KCNH8: variants seen among roughly 807,000 people sequenced by gnomAD.
The protein encoded by KCNH8 is potassium voltage-gated channel subfamily H member 8.
In KCNH8, 70 loss-of-function variants were observed where a neutral mutation model predicts 103.6. That is an observed-to-expected ratio of 0.68 (90% CI 0.56 to 0.82). The LOEUF is 0.82. KCNH8 is among the 40% of genes least tolerant of loss of function. The probability of loss-of-function intolerance (pLI) is 0.00; values close to 1 mark genes in which losing one functional copy is unlikely to be tolerated. For missense variants in KCNH8, 1,217 were observed against 1,329.9 expected, an observed-to-expected ratio of 0.92 and a Z score of 1.32; for synonymous variants, 498 against 489.4, an observed-to-expected ratio of 1.02 and a Z score of -0.23.
chr3:19,463,038 C>T (rs1258756365), intron 11 of KCNH8, among the ~76,000 whole-genome samples: 1 of 152,014 alleles, frequency 6.6e-6, no homozygotes, highest in African/African-American at 2.4e-5. Context: ...ATCATAACTC[C>T]CTAAACAATA....
intron 1 of KCNH8, among the ~76,000 whole-genome samples, chr3:19,156,991 G>A (rs2063187656): frequency 6.8e-6 from 1 of 146,484 alleles, no homozygotes; most frequent in African/African-American, 2.7e-5. Flanking sequence ...TTAAAAAAAA[G>A]GTTTTCTTTT....
intron 7 of KCNH8, among the ~76,000 whole-genome samples, chr3:19,411,975 C>T (rs1312911746): frequency 6.6e-6 from 1 of 151,628 alleles, no homozygotes; most frequent in Non-Finnish European, 1.5e-5. Flanking sequence ...AGACTCAGCA[C>T]TATTTATATT....
At chr3:19,333,904 C>G (rs1029185320) in intron 3 of KCNH8, among the ~76,000 whole-genome samples, 1 of 152,112 alleles carries the variant, frequency 6.6e-6, no homozygotes, top group Non-Finnish European at 1.5e-5. Flanking sequence ...CTGGGGCACA[C>G]TTTTTCCCCC....
At chr3:19,264,515 A>G (rs2064480900) in intron 2 of KCNH8, among the ~76,000 whole-genome samples, 1 of 152,242 alleles carries the variant, frequency 6.6e-6, no homozygotes, top group East Asian at 1.9e-4. Context: ...CTCTGCAGCC[A>G]GAATGATGAG....
At chr3:19,477,268 A>G (rs1288006636) in intron 11 of KCNH8, among the ~76,000 whole-genome samples, 1 of 152,202 alleles carries the variant, frequency 6.6e-6, no homozygotes, top group Non-Finnish European at 1.5e-5. Flanking sequence ...AAATATCATA[A>G]TGCTCCATTC....
chr3:19,497,722 T>G (rs978864549), intron 11 of KCNH8, among the ~76,000 whole-genome samples: 8 of 152,192 alleles, frequency 5.3e-5, no homozygotes, highest in Admixed American at 1.3e-4. Context: ...TCTGTTGTTT[T>G]GGGTGGAGAG....
In KCNH8 at chr3:19,209,886, A is replaced by G. The variant is rs567835628; in HGVS notation, c.77-43768A>G. Reference sequence around the variant, plus strand: ...GTTATCCTTCCTCAGTGTAATGTGTAGTCCCTAGGTAAGCCCTCAAGTGGG... The same window carrying G: ...GTTATCCTTCCTCAGTGTAATGTGTGGTCCCTAGGTAAGCCCTCAAGTGGG... On this transcript the variant is annotated intron_variant, in intron 1 of 15. Transcript: ENST00000328405. Among the ~76,000 whole-genome samples the G allele has an allele frequency of 9.9e-5, 15 of 152,174 alleles. 1 individual carries two copies. Among genetic ancestry groups the G allele is most frequent in the Admixed American group, 6.6e-4 (10 of 15,240 alleles).
At chr3:19,519,950 C>T (rs1274065314) in intron 15 of KCNH8, among the ~76,000 whole-genome samples, 2 of 151,452 alleles carry the variant, frequency 1.3e-5, no homozygotes, top group Non-Finnish European at 2.9e-5. Flanking sequence ...CAAGTTAGGG[C>T]TGTAAATCCA....
Position 19,438,198 on chromosome 3 carries a change from T to C in KCNH8, c.1212T>C (p.Ser404=). The change falls in exon 8 of 16, where the codon TCT becomes TCC. Residue 404 remains serine (S), a synonymous_variant. Transcript: ENST00000328405. The part of the protein sequence containing the change: ...WLHELGKRLE[S]PYYGNNTLGG... ...ATGAGTTGGGAAAGAGACTGGAATC[T>C]CCATACTATGGCAACAATACCTTGG... The C allele has an allele frequency of 6.2e-7, 1 of 1,614,078 alleles. No homozygotes were observed. The highest frequency in any genetic ancestry group is 1.7e-4 in the Middle Eastern group (1 of 6,060).
intron 1 of KCNH8, among the ~76,000 whole-genome samples, chr3:19,209,130 T>C (rs567920919): frequency 8.9e-4 from 135 of 152,100 alleles, no homozygotes; most frequent in African/African-American, 3.0e-3. Context: ...TATAAATATA[T>C]ATGTATAGCC....
chr3:19,496,030 G>A (rs375932380), intron 11 of KCNH8, among the ~76,000 whole-genome samples: 142 of 152,238 alleles, frequency 9.3e-4, no homozygotes, highest in African/African-American at 3.2e-3. Context: ...GAAGGCTACT[G>A]ATTTTCTACA....
At chr3:19,175,576 A>C (rs1009591645) in intron 1 of KCNH8, among the ~76,000 whole-genome samples, 2 of 152,272 alleles carry the variant, frequency 1.3e-5, no homozygotes, top group African/African-American at 4.8e-5. Context: ...TGCTCCATAG[A>C]ATGGCAATGA....
intron 11 of KCNH8, among the ~76,000 whole-genome samples, chr3:19,472,153 T>C (rs2067872027): frequency 6.6e-6 from 1 of 151,700 alleles, no homozygotes; most frequent in African/African-American, 2.4e-5. Context: ...TGGTACAAAG[T>C]ATGTGCTTGA....
At chr3:19,479,582 A>T (rs917094589) in intron 11 of KCNH8, among the ~76,000 whole-genome samples, 3 of 152,080 alleles carry the variant, frequency 2.0e-5, no homozygotes, top group Non-Finnish European at 2.9e-5. Context: ...AGAGGTTTCC[A>T]TTTACTGTTC....
intron 7 of KCNH8, among the ~76,000 whole-genome samples, chr3:19,416,625 T>C (rs911251474): frequency 5.3e-5 from 8 of 152,176 alleles, no homozygotes; most frequent in Non-Finnish European, 8.8e-5. Context: ...ATAGCGCTCT[T>C]TCTGTAGAAA....
rs756658134 is a variant in KCNH8 at position 19,156,405 on chromosome 3, C to T, written c.76+7610C>T. Among the ~76,000 whole-genome samples, 31 of 152,222 alleles carry T rather than the reference C, an allele frequency of 2.0e-4. No individual in the cohort carries two copies. The East Asian group carries it at 3.1e-3, about 15-fold the overall frequency. ...AACAGACTAGGGTGGTTTGTGGTAT[C>T]GTTTCTAGTTTCTAGCTCTTGCAAA... On this transcript the variant is annotated intron_variant, in intron 1 of 15. Transcript: ENST00000328405.
intron 1 of KCNH8, among the ~76,000 whole-genome samples, chr3:19,221,044 CA>C (rs1471393048): frequency 6.6e-6 from 1 of 152,176 alleles, no homozygotes; most frequent in Non-Finnish European, 1.5e-5. Context: ...TGTCTCTCAC[CA>C]TTCTGATTTT....
intron 5 of KCNH8, among the ~76,000 whole-genome samples, chr3:19,354,845 CA>C (rs2065856961): frequency 1.3e-5 from 2 of 152,218 alleles, no homozygotes; most frequent in South Asian, 4.2e-4. Flanking sequence ...TCTAAAACAC[CA>C]AAAGCAATGG....
At chr3:19,192,931 T>C (rs1260221124) in intron 1 of KCNH8, among the ~76,000 whole-genome samples, 1 of 151,672 alleles carries the variant, frequency 6.6e-6, no homozygotes, top group Non-Finnish European at 1.5e-5. Context: ...ACTGGAAATT[T>C]AACCCAATCA....
Sources: allele counts gnomAD v4.1 joint callset (sites outside exome capture counted in the v4.1 genomes callset), GRCh38; gene constraint gnomAD v4.1.1; transcripts MANE v1.5; gene names NCBI Gene and HGNC (gene_info 2026-07-23, HGNC 2026-07-21).